Variants in CACNB1 observed in about 807,000 individuals in gnomAD.
CACNB1 encodes voltage-dependent L-type calcium channel subunit beta-1.
CACNB1 carries 29 observed loss-of-function variants against 71.6 expected under a neutral mutation model. That is an observed-to-expected ratio of 0.40 (90% CI 0.30 to 0.55). The LOEUF is 0.55. Among genes scored for constraint, CACNB1 ranks in the 20% least tolerant of loss-of-function variants. The pLI is 0.38. For missense variants in CACNB1, 623 were observed against 801.8 expected, an observed-to-expected ratio of 0.78 and a Z score of 2.69; for synonymous variants, 300 against 319.6, an observed-to-expected ratio of 0.94 and a Z score of 0.65.
rs558190968 is a variant in CACNB1 at position 39,186,725 on chromosome 17, G to A, written c.551+68C>T. The A allele has an allele frequency of 2.5e-6, 4 of 1,591,830 alleles. No homozygotes were observed. In the African/African-American group the frequency reaches 5.4e-5, roughly 21 times the overall value. ...CTCAGGGCCAGGGACAACCATTGAG[G>A]CCTAGTCCAGGCTGTATGGCCTCTC... On this transcript the variant is annotated intron_variant, in intron 5 of 13. Coordinates refer to ENST00000394303, the MANE Select transcript of CACNB1 (RefSeq NM_000723.5). This position sits in a 1 kb window ranked among gnomAD's most constrained non-coding sequence, Gnocchi z 4.1.
chr17:39,193,269 C>T (rs1016842178), intron 2 of CACNB1: 25 of 305,372 alleles, frequency 8.2e-5, no homozygotes, highest in African/African-American at 4.6e-4. Context: ...TGTAGGCATG[C>T]GCACACATAC....
rs751351213 is a variant in CACNB1 at position 39,194,914 on chromosome 17, C to T, written c.141G>A (p.Ser47=). ...GGACAAAGCTGTTGGATGTGGTATC[C>T]GAGGACGTGCTCCCATCTGACCGTT... is the stretch of plus-strand genomic sequence containing the variant. ...RFKRSDGSTS[S]DTTSNSFVRQ... Residue 47 remains serine, a synonymous_variant, in exon 2 of 14, where the codon TCG becomes TCA. Transcript: ENST00000394303. This position sits in a 1 kb window ranked among gnomAD's most constrained non-coding sequence, Gnocchi z 4.6. 1.7e-5 allele frequency: 27 copies of T among 1,613,112 alleles called. No homozygotes were observed. Among genetic ancestry groups the T allele is most frequent in the Middle Eastern group, 1.6e-4 (1 of 6,078 alleles).
chr17:39,185,830 G>A, intron 6 of CACNB1: 4 of 1,087,328 alleles, frequency 3.7e-6, no homozygotes, highest in Non-Finnish European at 5.2e-6. Context: ...ACCTCAGCAG[G>A]AAGCCCTGAT....
At position 39,186,987 on chromosome 17, in the gene CACNB1, T is replaced by C; in HGVS notation, c.415-58A>G. 1 of 1,582,626 alleles carries C rather than the reference T, an allele frequency of 6.3e-7. No homozygotes were observed. ...CAAGAGGGAAACTGCAGGGGCAAGC[T>C]AGCAGTCACTCTCTAGGGGAAACGC... On this transcript the variant is annotated intron_variant, in intron 4 of 13. Transcript: ENST00000394303. The surrounding 1 kb of genome is among the most constrained non-coding windows in gnomAD (Gnocchi z 4.1).
intron 12 of CACNB1, 133 bp downstream of exon 12, chr17:39,177,851 C>T: frequency 1.3e-6 from 1 of 747,772 alleles, no homozygotes; most frequent in Non-Finnish European, 2.3e-6. Context: ...TGCGCTCTTC[C>T]CAGAAGACCA....
rs1645656960 is a variant in CACNB1, at chr17:39,186,751, C to T, written c.551+42G>A. On this transcript the variant is annotated intron_variant, in intron 5 of 13. Transcript: ENST00000394303. This position sits in a 1 kb window ranked among gnomAD's most constrained non-coding sequence, Gnocchi z 4.1. ...CCTAGTCCAGGCTGTATGGCCTCTC[C>T]TGGGGTTGGCAGCATCCCCTTCCCC... The T allele has an allele frequency of 2.5e-6, 4 of 1,611,286 alleles. No individual in the cohort carries two copies. The African/African-American group carries it at 5.3e-5, about 22-fold the overall frequency.
intron 11 of CACNB1, among the ~76,000 whole-genome samples, chr17:39,181,562 C>T (rs1200303615): frequency 1.3e-5 from 2 of 152,154 alleles, no homozygotes; most frequent in Non-Finnish European, 2.9e-5. Context: ...CTGCCTGGTT[C>T]CAGAGTCCCT....
rs760678790 is a variant in CACNB1, at chr17:39,184,866, T to TG, written c.649-3dup. On this transcript the variant is annotated splice_region_variant and splice_polypyrimidine_tract_variant and intron_variant, in intron 7 of 13. Coordinates refer to ENST00000394303, the MANE Select transcript of CACNB1 (RefSeq NM_000723.5). ...GTCATAGGGGGGCACATGCTCTGTC[T>TG]GGGGGGGGAAGCAGGGAGGGGAAAC... 263 of 1,214,808 alleles carry TG rather than the reference T, an allele frequency of 2.2e-4. No homozygotes were observed. The highest frequency in any genetic ancestry group is 5.3e-4 in the East Asian group (20 of 38,082). The allele number at this position is 1,214,808 out of a possible 1,614,324, so 75.3% of individuals were successfully genotyped here.
chr17:39,187,481 C>T lies in CACNB1; in HGVS notation c.412G>A (p.Glu138Lys). The T allele has an allele frequency of 6.2e-7, 1 of 1,613,998 alleles. No individual in the cohort carries two copies. Among genetic ancestry groups the T allele is most frequent in the South Asian group, 1.1e-5 (1 of 91,086 alleles). The change falls in exon 4 of 14, where the codon GAG becomes AAG. Residue 138 changes from glutamate (E) to lysine (K), a missense_variant and splice_region_variant. Coordinates refer to ENST00000394303, the MANE Select transcript of CACNB1 (RefSeq NM_000723.5). ...FEPKDFLHIK[E>K]KYNNDWWIGR... is the part of the protein sequence containing the mutation. The stretch of plus-strand genomic sequence containing the variant: ...CTGCCCTCCCTCCAGATACCCACCT[C>T]CTTGATGTGCAGGAAGTCTTTGGGC...
chr17:39,185,096 G>C, intron 7 of CACNB1, 35 bp downstream of exon 7: 2 of 1,603,128 alleles, frequency 1.2e-6, no homozygotes, highest in Non-Finnish European at 1.7e-6. Context: ...ATCCCAGGGA[G>C]TGGGGAGGAG....
intron 6 of CACNB1, among the ~76,000 whole-genome samples, chr17:39,185,558 C>T (rs1027425145): frequency 6.6e-6 from 1 of 151,602 alleles, no homozygotes; most frequent in Non-Finnish European, 1.5e-5. Context: ...AGCCAGCAGC[C>T]CCCCCCCACT....
At chr17:39,181,189 G>A (rs985901548) in intron 11 of CACNB1, among the ~76,000 whole-genome samples, 5 of 152,070 alleles carry the variant, frequency 3.3e-5, no homozygotes, top group African/African-American at 1.2e-4. Flanking sequence ...CGCCTCCTGG[G>A]TTCAAGCAAT....
rs561837009 is a variant in CACNB1, at chr17:39,173,724, T to G, written c.*1469A>C. On this transcript the variant is annotated 3_prime_UTR_variant, in exon 14 of 14. Coordinates refer to ENST00000394303, the MANE Select transcript of CACNB1 (RefSeq NM_000723.5). ...AGGCACCCACCCTTTCAACTCCCCGTGCATATCAGCAGCTCCCAGGTGCCT... is the reference window on the plus strand; with the variant it reads ...AGGCACCCACCCTTTCAACTCCCCGGGCATATCAGCAGCTCCCAGGTGCCT... The G allele has an allele frequency of 6.6e-6, 1 of 152,446 alleles. No homozygotes were observed. Among genetic ancestry groups the G allele is most frequent in the Non-Finnish European group, 1.5e-5 (1 of 68,084 alleles). 9.4% of individuals were successfully genotyped at this position (152,446 alleles called of 1,614,324 possible). A position where few individuals can be genotyped will look rare whatever the true frequency, so the allele number is the denominator to read the frequency against.
chr17:39,184,103 C>T lies in CACNB1; in HGVS notation c.826G>A (p.Ala276Thr). ...GGGTTGTTGAGAACTGAGCGCTTAG[C>T]CAGGGAAATATCTGCCGTCACACGA... ...ITRVTADISL[A>T]KRSVLNNPSK... The change falls in exon 10 of 14, where the codon GCT becomes ACT. Residue 276 changes from alanine to threonine, a missense_variant. Ala to Thr is a moderately conservative substitution (Grantham distance 58). Transcript: ENST00000394303. 6.2e-7 allele frequency: 1 copy of T among 1,613,452 alleles called. No homozygotes were observed. Among genetic ancestry groups the T allele is most frequent in the Non-Finnish European group, 8.5e-7 (1 of 1,179,582 alleles).
At chr17:39,193,510 C>G (rs1278182550) in intron 2 of CACNB1, 1 of 445,022 alleles carries the variant, frequency 2.2e-6, no homozygotes, top group East Asian at 7.2e-5. Context: ...CCCTGCTGGC[C>G]TAGGGGGTGG....
rs766919561 is a variant in CACNB1 at position 39,180,583 on chromosome 17, A to C, written c.1051-2504T>G. On this transcript the variant is annotated intron_variant, in intron 11 of 13. Transcript: ENST00000394303. ...GGCAGGAGAATCACTTGAACCTGGGAGGCAGAGATTGCAGTGAGCCAATAT... is the reference window on the plus strand; with the variant it reads ...GGCAGGAGAATCACTTGAACCTGGGCGGCAGAGATTGCAGTGAGCCAATAT... Among the ~76,000 whole-genome samples, 16 of 152,022 alleles carry C rather than the reference A, an allele frequency of 1.1e-4. No individual in the cohort carries two copies. The East Asian group carries it at 2.9e-3, about 28-fold the overall frequency.
At chr17:39,184,955 C>T (rs983722777) in intron 7 of CACNB1, 91 bp from the exon 8 acceptor site, 3 of 1,068,770 alleles carry the variant, frequency 2.8e-6, no homozygotes. Context: ...GCAGCCTTCC[C>T]CCACCCTGGT....
rs181552596 is a variant in CACNB1 at position 39,184,868 on chromosome 17, G to A, written c.649-4C>T. ...CATAGGGGGGCACATGCTCTGTCTG[G>A]GGGGGGAAGCAGGGAGGGGAAACCC... On this transcript the variant is annotated splice_polypyrimidine_tract_variant and splice_region_variant and intron_variant, in intron 7 of 13. Coordinates refer to ENST00000394303, the MANE Select transcript of CACNB1 (RefSeq NM_000723.5). 207 of 1,556,534 alleles carry A rather than the reference G, an allele frequency of 1.3e-4. 1 individual carries two copies. In the East Asian group the frequency reaches 2.7e-3, roughly 21 times the overall value.
At position 39,197,512 on chromosome 17, in the gene CACNB1, TC is replaced by T; in HGVS notation, c.-18del. 1 of 1,484,122 alleles carries T rather than the reference TC, an allele frequency of 6.7e-7. No individual in the cohort carries two copies. Among genetic ancestry groups the T allele is most frequent in the Non-Finnish European group, 8.9e-7 (1 of 1,118,656 alleles). 91.9% of individuals were successfully genotyped at this position (1,484,122 alleles called of 1,614,324 possible). On this transcript the variant is annotated 5_prime_UTR_variant, in exon 1 of 14. Transcript: ENST00000394303. Reference sequence around the variant, plus strand: ...CTGGACCATGGAGAGGAGCCTCCCCTCCCGCCGCCGGCCCGGCCCAGCCGGG... The same window carrying T: ...CTGGACCATGGAGAGGAGCCTCCCCTCCGCCGCCGGCCCGGCCCAGCCGGG...
Sources: gnomAD v4.1 joint callset for allele counts (sites outside exome capture counted in the v4.1 genomes callset) on GRCh38, gnomAD v4.1.1 for gene constraint, Gnocchi (gnomAD v3.1) non-coding constraint, MANE v1.5 for transcripts, NCBI Gene and HGNC (gene_info 2026-07-23, HGNC 2026-07-21) for gene names.